The following EED variants were observed in gnomAD, a reference collection of about 807,000 sequenced individuals.
The protein encoded by EED is polycomb protein EED.
In EED, 9 loss-of-function variants were observed where a neutral mutation model predicts 61.0. The ratio of observed to expected loss-of-function variants is 0.15; its 90% confidence interval spans 0.09 to 0.26. The LOEUF (loss-of-function observed/expected upper bound fraction) is 0.26. EED is among the 10% of genes least tolerant of loss of function. The pLI, the probability that EED is intolerant of heterozygous loss-of-function variation, is 1.00. For missense variants in EED, 315 were observed against 542.3 expected, an observed-to-expected ratio of 0.58 and a Z score of 4.16; for synonymous variants, 187 against 174.4, an observed-to-expected ratio of 1.07 and a Z score of -0.57.
downstream of EED, among the ~76,000 whole-genome samples, chr11:86,279,508 G>A (rs1255286751): frequency 6.6e-6 from 1 of 152,132 alleles, no homozygotes; most frequent in Non-Finnish European, 1.5e-5. Flanking sequence ...AAAGAGTGAA[G>A]ACCAAGATCA....
intron 11 of EED, 166 bp from the exon 12 acceptor site, chr11:86,278,233 C>G (rs1010910995): frequency 6.5e-5 from 87 of 1,337,450 alleles, no homozygotes; most frequent in Non-Finnish European, 8.1e-5. Flanking sequence ...TAAAATATAT[C>G]TAAATTTTAT....
intron 9 of EED, chr11:86,276,608 T>C (rs1305789549): frequency 6.4e-6 from 1 of 155,874 alleles, no homozygotes; most frequent in Non-Finnish European, 1.4e-5. Flanking sequence ...TGCCGGATTC[T>C]GAAAAGCCAT....
intron 9 of EED, among the ~76,000 whole-genome samples, chr11:86,269,178 T>C (rs762594093): frequency 6.6e-6 from 1 of 152,226 alleles, no homozygotes; most frequent in African/African-American, 2.4e-5. Flanking sequence ...TAATAAAGCA[T>C]TGAATATCTC....
At chr11:86,247,306 T>C (rs1593715602) in intron 1 of EED, among the ~76,000 whole-genome samples, 2 of 152,168 alleles carry the variant, frequency 1.3e-5, no homozygotes, top group East Asian at 3.9e-4. Context: ...CAAAATAACA[T>C]TTTTAGATGT....
the EED span, chr11:86,283,869 A>T: frequency 1.4e-5 from 2 of 147,244 alleles, no homozygotes; most frequent in African/African-American, 5.0e-5. Flanking sequence ...AAAAAAAAAG[A>T]GAATGAAGTG....
At chr11:86,285,295 C>T in the EED span, among the ~76,000 whole-genome samples, 2 of 152,054 alleles carry the variant, frequency 1.3e-5, no homozygotes, top group Non-Finnish European at 2.9e-5. Context: ...TAGTGTGCAC[C>T]TGTAGTCCCA....
At chr11:86,266,532 CTTA>C (rs558204664) in intron 8 of EED, among the ~76,000 whole-genome samples, 102 of 152,158 alleles carry the variant, frequency 6.7e-4, no homozygotes, top group African/African-American at 2.4e-3. Flanking sequence ...ATCACTTAAG[CTTA>C]TTATGGACTA....
intron 9 of EED, among the ~76,000 whole-genome samples, chr11:86,275,594 C>T (rs1243081101): frequency 6.6e-6 from 1 of 152,190 alleles, no homozygotes; most frequent in Non-Finnish European, 1.5e-5. Context: ...CATCCAGGGA[C>T]TCCAGTACTT....
chr11:86,258,576 A>G (rs1945742075), intron 6 of EED, among the ~76,000 whole-genome samples: 1 of 126,024 alleles, frequency 7.9e-6, no homozygotes, highest in South Asian at 2.5e-4. Context: ...TTTTTTTGAG[A>G]CAAAGTTTCG....
chr11:86,278,116 A>G (rs1025631994), intron 11 of EED, 125 bp downstream of exon 11: 2 of 1,368,250 alleles, frequency 1.5e-6, no homozygotes, highest in Non-Finnish European at 9.5e-7. Flanking sequence ...TACTGTTTTC[A>G]GAGTTAAAGT....
At chr11:86,263,627 C>T (rs1176217575) in intron 6 of EED, among the ~76,000 whole-genome samples, 11 of 152,166 alleles carry the variant, frequency 7.2e-5, no homozygotes, top group Non-Finnish European at 1.5e-5. Context: ...GCAGTCCTCC[C>T]ATCTTGGCCT....
chr11:86,265,752 A>G (rs1021759633), intron 7 of EED: 1 of 163,238 alleles, frequency 6.1e-6, no homozygotes, highest in African/African-American at 2.4e-5. Context: ...TCTTTGTGTC[A>G]GAATAATTAT....
chr11:86,272,302 C>G (rs1946135060), intron 9 of EED, among the ~76,000 whole-genome samples: 1 of 151,570 alleles, frequency 6.6e-6, no homozygotes. Context: ...TGGTGATCCA[C>G]CTGCTTCGGC....
intron 2 of EED, among the ~76,000 whole-genome samples, 160 bp from the exon 3 acceptor site, chr11:86,251,988 T>C (rs551345571): frequency 1.3e-5 from 2 of 152,344 alleles, no homozygotes; most frequent in South Asian, 4.1e-4. Context: ...AAAACTAGAC[T>C]AGTAGACATC....
chr11:86,264,018 G>A (rs989307584), intron 6 of EED, 154 bp from the exon 7 acceptor site: 1 of 587,274 alleles, frequency 1.7e-6, no homozygotes, highest in East Asian at 2.9e-5. Flanking sequence ...TACATCTGAT[G>A]TAAACATTTT....
At chr11:86,251,999 TTTTAA>T in intron 2 of EED, 144 bp from the exon 3 acceptor site, 1 of 482,092 alleles carries the variant, frequency 2.1e-6, no homozygotes, top group East Asian at 3.1e-5. Context: ...AGTAGACATC[TTTTAA>T]TTTTAGTGTC....
intron 4 of EED, among the ~76,000 whole-genome samples, chr11:86,255,545 C>A (rs1441966413): frequency 1.3e-5 from 2 of 151,988 alleles, no homozygotes; most frequent in African/African-American, 2.4e-5. Context: ...GTGCAGATGT[C>A]TATAGAGATA....
chr11:86,252,253 G>T lies in EED; in HGVS notation c.360+13G>T. On this transcript the variant is annotated intron_variant, in intron 3 of 11. Transcript: ENST00000263360. Reference sequence around the variant, plus strand: ...AGGAAGCAACAGAGTGAGTGTTAAGGGGTCTATTTAGTATTTGGCTTGATT... The same window carrying T: ...AGGAAGCAACAGAGTGAGTGTTAAGTGGTCTATTTAGTATTTGGCTTGATT... The T allele has an allele frequency of 6.4e-7, 1 of 1,570,458 alleles. No homozygotes were observed.
intron 9 of EED, chr11:86,270,126 A>G (rs186431201): frequency 2.3e-5 from 16 of 700,782 alleles, no homozygotes; most frequent in Non-Finnish European, 3.6e-5. Flanking sequence ...TGTATGAGAG[A>G]TCCAGTGTCT....
Sources: gnomAD v4.1 joint callset for allele counts (sites outside exome capture counted in the v4.1 genomes callset) on GRCh38, gnomAD v4.1.1 for gene constraint, MANE v1.5 for transcripts, NCBI Gene and HGNC (gene_info 2026-07-23, HGNC 2026-07-21) for gene names.